The following CLCN6 variants were observed in gnomAD, a reference collection of about 807,000 sequenced individuals.
CLCN6 encodes the protein Cl-/H+ antiporter 6, also known as H(+)/Cl(-) exchange transporter 6.
Under a neutral mutation model 109.8 loss-of-function variants are expected in CLCN6, and 70 were observed. The observed-to-expected ratio is 0.64, with a 90% confidence interval of 0.53 to 0.78. CLCN6 has a LOEUF of 0.78. CLCN6 is among the 30% of genes least tolerant of loss of function. The pLI is 0.00. For missense variants in CLCN6, 984 were observed against 1,142.3 expected (o/e 0.86, Z 2.00); for synonymous variants, 444 against 447.8 (o/e 0.99, Z 0.11).
At chr1:11,818,334 G>A (rs776435022) in intron 4 of CLCN6, among the ~76,000 whole-genome samples, 8 of 151,550 alleles carry the variant, frequency 5.3e-5, no homozygotes, top group African/African-American at 1.5e-4. Context: ...ATGCTGACAC[G>A]ATTCTCAGGA....
At chr1:11,819,621 A>T (rs949904455) in intron 5 of CLCN6, 67 bp downstream of exon 5, 5 of 1,415,210 alleles carry the variant, frequency 3.5e-6, no homozygotes, top group Non-Finnish European at 5.0e-6. Context: ...CTTACATAGA[A>T]ATGGGTCTAA....
In CLCN6 at chr1:11,826,297, C is replaced by G. The variant is rs564054334; in HGVS notation, c.707+83C>G. On this transcript the variant is annotated intron_variant, in intron 9 of 22. Transcript: ENST00000346436. ...GGTCAGACTCGACACTTGCTCTAGC[C>G]TGGCAGTATCCCCTGCGGGGAAACC... 6.9e-6 allele frequency: 8 copies of G among 1,157,160 alleles called. No individual in the cohort carries two copies. In the East Asian group the frequency reaches 1.4e-4, roughly 20 times the overall value. The allele number at this position is 1,157,160 out of a possible 1,614,324, so 71.7% of individuals were successfully genotyped here.
At chr1:11,839,504 C>G (rs76508251) in intron 22 of CLCN6, among the ~76,000 whole-genome samples, 4,059 of 152,328 alleles carry the variant, frequency 0.027, 167 homozygotes, top group African/African-American at 0.092. Flanking sequence ...TCAAGTGATT[C>G]ACCTGCCTCG....
chr1:11,823,677 G>A (rs752894304), intron 6 of CLCN6, 30 bp from the exon 7 acceptor site: 1 of 1,613,972 alleles, frequency 6.2e-7, no homozygotes, highest in South Asian at 1.1e-5. Flanking sequence ...TGGATTTCGA[G>A]TTATGGGTGT....
At chr1:11,806,442 C>T (rs1270354026) in intron 1 of CLCN6, 93 bp downstream of exon 1, 5 of 1,217,434 alleles carry the variant, frequency 4.1e-6, no homozygotes, top group Non-Finnish European at 5.4e-6. Context: ...AATCTGGGCC[C>T]GCAGGTGGCA....
At chr1:11,823,334 G>A (rs533307050) in intron 6 of CLCN6, among the ~76,000 whole-genome samples, 61 of 151,106 alleles carry the variant, frequency 4.0e-4, no homozygotes, top group Admixed American at 1.3e-3. Flanking sequence ...AAAATTAGCC[G>A]GGCGTGGTGG....
intron 1 of CLCN6, chr1:11,806,830 A>G: frequency 2.4e-6 from 1 of 410,040 alleles, no homozygotes; most frequent in East Asian, 4.2e-5. Context: ...GATACGTCAC[A>G]CTGTCAAATG....
Position 11,838,459 on chromosome 1 carries a change from C to T in CLCN6, c.2403+17C>T, listed in dbSNP as rs767529766. The T allele has an allele frequency of 9.3e-6, 15 of 1,613,020 alleles. No homozygotes were observed. Among genetic ancestry groups the T allele is most frequent in the East Asian group, 4.5e-5 (2 of 44,870 alleles). On this transcript the variant is annotated intron_variant, in intron 21 of 22. Transcript: ENST00000346436. Reference sequence around the variant, plus strand: ...ATGATCGTGGTGAGAAGGGCTGCCCCGGCCTGTCCCATGCGGAGCTGCCTC... The same window carrying T: ...ATGATCGTGGTGAGAAGGGCTGCCCTGGCCTGTCCCATGCGGAGCTGCCTC...
chr1:11,829,181 T>G lies in CLCN6; in HGVS notation c.1122-15T>G, dbSNP rs1291434114. ...TCTTTCTGTGGCGTTGTAACAGCTGTGCTTTGCCTCCTAGAGTCTTAGAGA... is the reference window on the plus strand; with the variant it reads ...TCTTTCTGTGGCGTTGTAACAGCTGGGCTTTGCCTCCTAGAGTCTTAGAGA... On this transcript the variant is annotated splice_polypyrimidine_tract_variant and intron_variant, in intron 12 of 22. Transcript: ENST00000346436. 6.2e-7 allele frequency: 1 copy of G among 1,612,244 alleles called. No homozygotes were observed. The highest frequency in any genetic ancestry group is 8.5e-7 in the Non-Finnish European group (1 of 1,179,002).
At chr1:11,825,539 G>A (rs1644800437) in intron 8 of CLCN6, among the ~76,000 whole-genome samples, 1 of 152,220 alleles carries the variant, frequency 6.6e-6, no homozygotes, top group Non-Finnish European at 1.5e-5. Flanking sequence ...CACAAAATGG[G>A]ATTTCAGAAG....
At chr1:11,812,505 C>T (rs907663065) in intron 2 of CLCN6, among the ~76,000 whole-genome samples, 1 of 152,156 alleles carries the variant, frequency 6.6e-6, no homozygotes, top group East Asian at 1.9e-4. Flanking sequence ...GCTTCGGTCT[C>T]CTCCCTGGAG....
In CLCN6 at chr1:11,838,335, A is replaced by C; in HGVS notation, c.2296A>C (p.Ser766Arg). The part of the protein sequence containing the change: ...RGVCYSESQS[S>R]ASQPRLSYAE... ...GACAGTGTCTGGGTTGGAATTGCAGAGCGCCAGCCAGCCGCGCCTCTCCTA... is the reference window on the plus strand; with the variant it reads ...GACAGTGTCTGGGTTGGAATTGCAGCGCGCCAGCCAGCCGCGCCTCTCCTA... Residue 766 changes from serine to arginine, a missense_variant and splice_region_variant, in exon 21 of 23, where the codon AGC becomes CGC. By Grantham distance (110) the Ser-to-Arg change is moderately radical. Coordinates refer to ENST00000346436, the MANE Select transcript of CLCN6 (RefSeq NM_001286.5). 1 of 1,613,376 alleles carries C rather than the reference A, an allele frequency of 6.2e-7. No individual in the cohort carries two copies. The highest frequency in any genetic ancestry group is 8.5e-7 in the Non-Finnish European group (1 of 1,179,942).
Position 11,813,414 on chromosome 1 carries a change from C to T in CLCN6, c.148-2432C>T, listed in dbSNP as rs1158432616. On this transcript the variant is annotated intron_variant, in intron 2 of 22. Coordinates refer to ENST00000346436, the MANE Select transcript of CLCN6 (RefSeq NM_001286.5). ...AAGATTTTTTTTTTTTTTTTGAGACCGAGTCTCACTCTGTCGCCTAGGCTG... is the reference window on the plus strand; with the variant it reads ...AAGATTTTTTTTTTTTTTTTGAGACTGAGTCTCACTCTGTCGCCTAGGCTG... Among the ~76,000 whole-genome samples the T allele has an allele frequency of 7.4e-5, 11 of 149,264 alleles. 1 individual carries two copies. The highest frequency in any genetic ancestry group is 1.9e-4 in the East Asian group (1 of 5,134).
At chr1:11,815,362 TGCAGGGCTG>T (rs1644656442) in intron 2 of CLCN6, among the ~76,000 whole-genome samples, 1 of 152,218 alleles carries the variant, frequency 6.6e-6, no homozygotes, top group Non-Finnish European at 1.5e-5. Context: ...CATCTGGGGC[TGCAGGGCTG>T]CAGGAGTCTA....
In CLCN6 at chr1:11,834,516, G is replaced by C. The variant is rs761308436; in HGVS notation, c.1719G>C (p.Lys573Asn). The C allele has an allele frequency of 6.2e-7, 1 of 1,614,124 alleles. No individual in the cohort carries two copies. The highest frequency in any genetic ancestry group is 8.5e-7 in the Non-Finnish European group (1 of 1,179,998). The change falls in exon 17 of 23, where the codon AAG becomes AAC. Residue 573 changes from lysine (K) to asparagine (N), a missense_variant. By Grantham distance (94) the Lys-to-Asn change is moderately conservative (BLOSUM62 0). Coordinates refer to ENST00000346436, the MANE Select transcript of CLCN6 (RefSeq NM_001286.5). The surrounding 1 kb of genome is among the most constrained non-coding windows in gnomAD (Gnocchi z 4.5). ...VAKWTGDFFN[K>N]GIYDIHVGLR... ...AATGGACAGGGGACTTTTTCAATAAGGGCATTTATGATATCCACGTGGGCC... is the reference window on the plus strand; with the variant it reads ...AATGGACAGGGGACTTTTTCAATAACGGCATTTATGATATCCACGTGGGCC...
chr1:11,821,953 T>C (rs551385832), intron 5 of CLCN6, among the ~76,000 whole-genome samples: 1 of 152,244 alleles, frequency 6.6e-6, no homozygotes, highest in Non-Finnish European at 1.5e-5. Context: ...AAAGACTTAA[T>C]GTTGAGAAAA....
At chr1:11,825,048 T>A (rs931333609) in intron 8 of CLCN6, among the ~76,000 whole-genome samples, 8 of 152,194 alleles carry the variant, frequency 5.3e-5, no homozygotes, top group African/African-American at 1.4e-4. Context: ...GTTGTTATTA[T>A]TACCCCCATC....
intron 2 of CLCN6, among the ~76,000 whole-genome samples, chr1:11,811,384 ATTT>A (rs112220577): frequency 6.9e-6 from 1 of 144,112 alleles, no homozygotes; most frequent in Non-Finnish European, 1.5e-5. Context: ...CCTACAGTCA[ATTT>A]TTTTTTTTTT....
intron 19 of CLCN6, 72 bp from the exon 20 acceptor site, chr1:11,837,271 C>A: frequency 6.3e-7 from 1 of 1,582,612 alleles, no homozygotes; most frequent in Non-Finnish European, 8.6e-7. Context: ...GGATGGGGAG[C>A]GGGCTGGGAA....
Sources: allele counts gnomAD v4.1 joint callset (sites outside exome capture counted in the v4.1 genomes callset), GRCh38; gene constraint gnomAD v4.1.1; non-coding constraint Gnocchi (gnomAD v3.1); transcripts MANE v1.5; gene names NCBI Gene and HGNC (gene_info 2026-07-23, HGNC 2026-07-21).